The following UGGT2 variants were observed in gnomAD, a reference collection of about 807,000 sequenced individuals.
UGGT2 encodes UDP-glucose glycoprotein glucosyltransferase 2.
A neutral mutation model predicts 192.1 loss-of-function variants in UGGT2; 180 were observed. That is an observed-to-expected ratio of 0.94 (90% confidence interval 0.83 to 1.06). UGGT2 has a LOEUF of 1.06. UGGT2 is among the 50% of genes least tolerant of loss of function. The probability of loss-of-function intolerance (pLI) is 0.00; values close to 1 mark genes in which losing one functional copy is unlikely to be tolerated. For missense variants in UGGT2, 1,849 were observed against 1,795.7 expected (o/e 1.03, Z -0.54); for synonymous variants, 580 against 591.0 (o/e 0.98, Z 0.27).
chr13:96,026,733 G>A (rs936379765), intron 2 of UGGT2, among the ~76,000 whole-genome samples: 1 of 145,970 alleles, frequency 6.9e-6, no homozygotes, highest in African/African-American at 2.5e-5. Context: ...CTGCAGTGGC[G>A]CAATCTCGGC....
At chr13:95,918,739 A>G (rs993389263) in intron 20 of UGGT2, among the ~76,000 whole-genome samples, 4 of 151,748 alleles carry the variant, frequency 2.6e-5, no homozygotes, top group African/African-American at 9.7e-5. Context: ...TAAGTAGCCT[A>G]CCAACCAAAA....
At chr13:95,910,271 G>T (rs1025331055) in intron 20 of UGGT2, among the ~76,000 whole-genome samples, 1 of 152,106 alleles carries the variant, frequency 6.6e-6, no homozygotes, top group Non-Finnish European at 1.5e-5. Context: ...TGGGCTAAAA[G>T]CCCCAATTAA....
intron 20 of UGGT2, among the ~76,000 whole-genome samples, chr13:95,919,027 CA>C (rs2048764546): frequency 6.6e-6 from 1 of 152,128 alleles, no homozygotes; most frequent in Non-Finnish European, 1.5e-5. Context: ...TCCATCAGAT[CA>C]AGTTGGCTTC....
In UGGT2 at chr13:95,854,316, T is replaced by C; in HGVS notation, c.4168A>G (p.Ser1390Gly). 2 of 1,610,168 alleles carry C rather than the reference T, an allele frequency of 1.2e-6. No individual in the cohort carries two copies. The highest frequency in any genetic ancestry group is 1.7e-6 in the Non-Finnish European group (2 of 1,178,650). ...SHLLRRKYHI[S>G]ALYVVDLKKF... Reference sequence around the variant, plus strand: ...TGGTAAGGGTCTGACTTTTCTTACCTGATATGGTATTTCCGTCTTAAAAGA... The same window carrying C: ...TGGTAAGGGTCTGACTTTTCTTACCCGATATGGTATTTCCGTCTTAAAAGA... The change falls in exon 35 of 39, where the codon AGT becomes GGT. Residue 1390 changes from serine (S) to glycine (G), a missense_variant and splice_region_variant. Coordinates refer to ENST00000376747, the MANE Select transcript of UGGT2 (RefSeq NM_020121.4).
At chr13:95,809,448 CT>C in intron 38 of UGGT2, 2 of 377,804 alleles carry the variant, frequency 5.3e-6, no homozygotes, top group Non-Finnish European at 5.2e-6. Context: ...CCTCCTTTCC[CT>C]TTTGTTTGCA....
chr13:95,899,677 C>T lies in UGGT2; in HGVS notation c.2634+1130G>A, dbSNP rs116723123. Reference sequence around the variant, plus strand: ...GTTTCCCTCTTTATCCCTTAAAATGCTTGACATGGTCAAAGACAGCCAAAA... The same window carrying T: ...GTTTCCCTCTTTATCCCTTAAAATGTTTGACATGGTCAAAGACAGCCAAAA... On this transcript the variant is annotated intron_variant, in intron 22 of 38. Transcript: ENST00000376747. Among the ~76,000 whole-genome samples, 72 of 152,102 alleles carry T rather than the reference C, an allele frequency of 4.7e-4. 1 individual carries two copies. The highest frequency in any genetic ancestry group is 1.6e-3 in the African/African-American group (67 of 41,520).
chr13:95,876,225 A>G (rs1029448019), intron 29 of UGGT2, among the ~76,000 whole-genome samples: 12 of 152,244 alleles, frequency 7.9e-5, no homozygotes, highest in Non-Finnish European at 1.5e-5. Flanking sequence ...TCCAAATTGA[A>G]TATAACCCAG....
intron 37 of UGGT2, among the ~76,000 whole-genome samples, chr13:95,833,941 A>G (rs1886998942): frequency 2.0e-5 from 3 of 152,128 alleles, no homozygotes; most frequent in Admixed American, 6.6e-5. Context: ...CTTTCCTCTT[A>G]TTTCTTAGGG....
At chr13:96,024,828 G>T (rs1324713371) in intron 2 of UGGT2, among the ~76,000 whole-genome samples, 3 of 152,204 alleles carry the variant, frequency 2.0e-5, no homozygotes, top group African/African-American at 7.2e-5. Flanking sequence ...TGCAACACCA[G>T]ATACTCTCTT....
intron 13 of UGGT2, 90 bp from the exon 14 acceptor site, chr13:95,948,171 G>T: frequency 2.4e-6 from 2 of 845,340 alleles, no homozygotes; most frequent in Non-Finnish European, 3.6e-6. Flanking sequence ...CTGAAAGTAT[G>T]AAATTCAATG....
chr13:95,894,783 A>T (rs1394950613), intron 23 of UGGT2, 126 bp from the exon 24 acceptor site: 1 of 700,784 alleles, frequency 1.4e-6, no homozygotes, highest in Admixed American at 2.8e-5. Flanking sequence ...GTAGACTGCA[A>T]AGGGAGACCT....
intron 1 of UGGT2, among the ~76,000 whole-genome samples, chr13:96,052,759 T>C (rs921741094): frequency 7.9e-5 from 12 of 152,188 alleles, no homozygotes; most frequent in Admixed American, 5.2e-4. Flanking sequence ...GCCCTCCCCA[T>C]AGTAAGCCTA....
intron 36 of UGGT2, among the ~76,000 whole-genome samples, chr13:95,842,244 C>G (rs1468376296): frequency 6.6e-6 from 1 of 152,004 alleles, no homozygotes; most frequent in Admixed American, 6.6e-5. Flanking sequence ...CTTTTTTCAC[C>G]TTGGATTAGT....
chr13:95,911,363 G>A (rs1468471433), intron 20 of UGGT2, among the ~76,000 whole-genome samples: 1 of 152,120 alleles, frequency 6.6e-6, no homozygotes, highest in African/African-American at 2.4e-5. Context: ...AGAAAAGAAA[G>A]AAGAATCAAA....
At position 95,970,194 on chromosome 13, in the gene UGGT2, T is replaced by C; in HGVS notation, c.1253A>G (p.Glu418Gly). Residue 418 changes from glutamate (E) to glycine (G), a missense_variant, in exon 12 of 39, where the codon GAA becomes GGA. Physicochemically the swap from Glu to Gly is moderately conservative, Grantham distance 98. Transcript: ENST00000376747. ...NGLRNLGING[E>G]DMSKFLKLNS... ...TAATTTTAAAAATTTGCTCATATCT[T>C]CCCCATTGATCCCAAGATTGCGAAG... 6.2e-7 allele frequency: 1 copy of C among 1,613,100 alleles called. No homozygotes were observed. Among genetic ancestry groups the C allele is most frequent in the South Asian group, 1.1e-5 (1 of 91,046 alleles).
chr13:95,873,088 T>C (rs1294924312), intron 29 of UGGT2, among the ~76,000 whole-genome samples: 3 of 152,206 alleles, frequency 2.0e-5, no homozygotes, highest in Admixed American at 6.5e-5. Context: ...TATACAGGGC[T>C]TTCCCTTTGC....
chr13:95,840,661 C>T (rs931087277), intron 36 of UGGT2, among the ~76,000 whole-genome samples: 1 of 152,054 alleles, frequency 6.6e-6, no homozygotes, highest in Non-Finnish European at 1.5e-5. Flanking sequence ...CAAGGATCTA[C>T]GACCAGAAAC....
chr13:95,881,258 TG>T, intron 27 of UGGT2, among the ~76,000 whole-genome samples: 1 of 152,248 alleles, frequency 6.6e-6, no homozygotes, highest in African/African-American at 2.4e-5. Context: ...ACTGAGTGGG[TG>T]GGGGTATCTT....
intron 7 of UGGT2, among the ~76,000 whole-genome samples, chr13:95,993,165 T>C (rs1243076576): frequency 6.6e-6 from 1 of 152,108 alleles, no homozygotes; most frequent in Non-Finnish European, 1.5e-5. Flanking sequence ...ATACCCTGTG[T>C]TCTCACTTAT....
Sources: gnomAD v4.1 joint callset for allele counts (sites outside exome capture counted in the v4.1 genomes callset) on GRCh38, gnomAD v4.1.1 for gene constraint, MANE v1.5 for transcripts, NCBI Gene and HGNC (gene_info 2026-07-23, HGNC 2026-07-21) for gene names.